CA5B: variants seen among roughly 807,000 people sequenced by gnomAD.
CA5B encodes carbonic anhydrase 5B, mitochondrial.
CA5B carries 15 observed loss-of-function variants against 23.1 expected under a neutral mutation model. That is an observed-to-expected ratio of 0.65 (90% confidence interval 0.43 to 1.00). The LOEUF (loss-of-function observed/expected upper bound fraction) is 1.00, where lower values mean the gene tolerates loss of function less well. CA5B is among the 50% of genes least tolerant of loss of function. CA5B has a pLI of 0.00. For missense variants in CA5B, 236 were observed against 252.2 expected, an observed-to-expected ratio of 0.94 and a Z score of 0.43; for synonymous variants, 84 against 98.5, an observed-to-expected ratio of 0.85 and a Z score of 0.87.
intron 2 of CA5B, among the ~76,000 whole-genome samples, chrX:15,756,743 T>C (rs906962329): frequency 7.2e-5 from 8 of 111,631 alleles, no homozygotes; most frequent in Non-Finnish European, 1.3e-4. Context: ...AGACCCTATC[T>C]CTACAAAAAA....
chrX:15,748,919 G>A (rs997494161), intron 1 of CA5B, among the ~76,000 whole-genome samples: 3 of 111,190 alleles, frequency 2.7e-5, no homozygotes, highest in South Asian at 3.8e-4. Context: ...TGCACAGGTC[G>A]GAGGGAAAGA....
At chrX:15,752,536 T>C (rs1338116834) in intron 2 of CA5B, among the ~76,000 whole-genome samples, 1 of 96,195 alleles carries the variant, frequency 1.0e-5, no homozygotes, top group Non-Finnish European at 2.0e-5. Flanking sequence ...CTATCCTGGC[T>C]AACACGGTGA....
rs1932140013 is a variant in CA5B, at chrX:15,787,655, C to CA, written c.*4992dup. The CA allele has an allele frequency of 4.5e-5, 5 of 112,297 alleles. No individual in the cohort carries two copies. Among genetic ancestry groups the CA allele is most frequent in the African/African-American group, 1.3e-4 (4 of 30,942 alleles). 9.3% of individuals were successfully genotyped at this position (112,297 alleles called of 1,213,427 possible). A position where few individuals can be genotyped will look rare whatever the true frequency, so the allele number is the denominator to read the frequency against. On this transcript the variant is annotated 3_prime_UTR_variant, in exon 8 of 8. Transcript: ENST00000318636. ...AGGAAATTTACATTCATTTCTAACT[C>CA]ACTAAAAAATCTATGGCCGGGTGCG...
intron 1 of CA5B, among the ~76,000 whole-genome samples, chrX:15,746,053 G>A (rs1251396187): frequency 5.5e-4 from 1 of 1,822 alleles, no homozygotes; most frequent in Non-Finnish European, 8.9e-4. Flanking sequence ...TTTTTGAGAC[G>A]GAGTCTCGCT....
In CA5B at chrX:15,764,601, G is replaced by T. The variant is rs1400516846; in HGVS notation, c.166G>T (p.Asp56Tyr). The T allele has an allele frequency of 8.3e-7, 1 of 1,202,061 alleles. No homozygotes were observed. The highest frequency in any genetic ancestry group is 2.2e-5 in the Admixed American group (1 of 44,908). Residue 56 changes from aspartate to tyrosine, a missense_variant, in exon 3 of 8, where the codon GAC (aspartate) becomes TAC (tyrosine). Around this residue, in one of 3 missense-constraint regions of CA5B, gnomAD observed 54 missense variants for 46.6 expected, o/e 1.16. Coordinates refer to ENST00000318636, the MANE Select transcript of CA5B (RefSeq NM_007220.4). Reference sequence around the variant, plus strand: ...AGTGCATCCACTCTGGGAGAGCGTGGACCTGGTTCCTGGGGGCGATCGCCA... The same window carrying T: ...AGTGCATCCACTCTGGGAGAGCGTGTACCTGGTTCCTGGGGGCGATCGCCA... ...RALHPLWESV[D>Y]LVPGGDRQSP...
intron 2 of CA5B, among the ~76,000 whole-genome samples, chrX:15,755,293 A>G (rs1931464977): frequency 8.9e-6 from 1 of 111,917 alleles, no homozygotes; most frequent in South Asian, 3.7e-4. Context: ...GACCATCAGG[A>G]AATGTGGGCT....
At chrX:15,759,734 CTTTTTTTTTTTTTTTTTTTTT>C (rs56915078) in intron 2 of CA5B, among the ~76,000 whole-genome samples, 1 of 37,396 alleles carries the variant, frequency 2.7e-5, no homozygotes, top group Non-Finnish European at 4.3e-5. Context: ...TTACTGACAC[CTTTTTTTTTTTTTTTTTTTTT>C]TTTTTTTTTT....
At chrX:15,754,515 A>G (rs1036752542) in intron 2 of CA5B, among the ~76,000 whole-genome samples, 3 of 112,589 alleles carry the variant, frequency 2.7e-5, no homozygotes, top group Non-Finnish European at 3.7e-5. Context: ...GTTTGGTGTT[A>G]TCTCAGGTAG....
intron 1 of CA5B, among the ~76,000 whole-genome samples, chrX:15,740,843 C>T (rs1422375483): frequency 1.8e-5 from 2 of 112,144 alleles, no homozygotes; most frequent in African/African-American, 3.2e-5. Context: ...GCGGGTGGAT[C>T]GTTTGAGGCC....
rs1932105569 is a variant in CA5B at position 15,785,893 on chromosome X, G to C, written c.*3229G>C. ...TTTTTTATTTTTTTTATTTTTTTGA[G>C]ACAGAGTCGCGCTGTCACCCGGGCT... is the stretch of plus-strand genomic sequence containing the variant. On this transcript the variant is annotated 3_prime_UTR_variant, in exon 8 of 8. Coordinates refer to ENST00000318636, the MANE Select transcript of CA5B (RefSeq NM_007220.4). The C allele has an allele frequency of 9.2e-6, 1 of 109,227 alleles. No individual in the cohort carries two copies. Among genetic ancestry groups the C allele is most frequent in the Non-Finnish European group, 1.9e-5 (1 of 52,583 alleles). 9.0% of individuals were successfully genotyped at this position (109,227 alleles called of 1,213,427 possible).
chrX:15,758,954 T>C, intron 2 of CA5B, among the ~76,000 whole-genome samples: 1 of 111,936 alleles, frequency 8.9e-6, no homozygotes, highest in Non-Finnish European at 1.9e-5. Context: ...CATACGCATA[T>C]AATTATAACT....
chrX:15,744,518 C>T (rs896934832), intron 1 of CA5B, among the ~76,000 whole-genome samples: 4 of 112,532 alleles, frequency 3.6e-5, no homozygotes, highest in African/African-American at 1.3e-4. Flanking sequence ...TTGCCATCAT[C>T]TTCCCAAAAA....
rs1483921612 is a variant in CA5B at position 15,782,570 on chromosome X, T to C, written c.860T>C (p.Leu287Pro). ...GACAACTTCCGCCCCCTTCAGCCACTGATGAATCGCACTGTTCGTTCATCC... is the reference window on the plus strand; with the variant it reads ...GACAACTTCCGCCCCCTTCAGCCACCGATGAATCGCACTGTTCGTTCATCC... ...MVDNFRPLQP[L>P]MNRTVRSSFR... is the part of the protein sequence containing the mutation. Residue 287 changes from leucine (L) to proline (P), a missense_variant, in exon 8 of 8, where the codon CTG becomes CCG. Leu to Pro is a moderately conservative substitution (Grantham distance 98). Around this residue, in one of 3 missense-constraint regions of CA5B, gnomAD observed 170 missense variants for 162.0 expected, o/e 1.05. Transcript: ENST00000318636. 2 of 1,210,344 alleles carry C rather than the reference T, an allele frequency of 1.7e-6. No homozygotes were observed. The highest frequency in any genetic ancestry group is 2.2e-6 in the Non-Finnish European group (2 of 894,253).
chrX:15,776,307 C>G (rs866041673), intron 6 of CA5B, among the ~76,000 whole-genome samples: 1 of 92,155 alleles, frequency 1.1e-5, no homozygotes, highest in Middle Eastern at 7.1e-3. Context: ...CCACTGCACT[C>G]TAGCCTGGGC....
At chrX:15,753,700 G>C (rs1179365398) in intron 2 of CA5B, among the ~76,000 whole-genome samples, 2 of 112,323 alleles carry the variant, frequency 1.8e-5, no homozygotes, top group Non-Finnish European at 3.8e-5. Flanking sequence ...CCTGAGGTCA[G>C]GAGTTCGAGA....
chrX:15,774,462 A>G lies in CA5B; in HGVS notation c.555+65A>G, dbSNP rs1226753018. On this transcript the variant is annotated intron_variant, in intron 5 of 7. Coordinates refer to ENST00000318636, the MANE Select transcript of CA5B (RefSeq NM_007220.4). Reference sequence around the variant, plus strand: ...TAGGATGAAAAGATAGAACAGTATAATATTGTTATTTACTTTAAGAATGTT... The same window carrying G: ...TAGGATGAAAAGATAGAACAGTATAGTATTGTTATTTACTTTAAGAATGTT... The G allele has an allele frequency of 1.1e-5, 11 of 996,869 alleles. No individual in the cohort carries two copies. In the Admixed American group the frequency reaches 2.8e-4, roughly 26 times the overall value. 82.2% of individuals were successfully genotyped at this position (996,869 alleles called of 1,213,427 possible).
chrX:15,757,830 A>G (rs1158606714), intron 2 of CA5B, among the ~76,000 whole-genome samples: 1 of 111,756 alleles, frequency 8.9e-6, no homozygotes, highest in South Asian at 3.7e-4. Flanking sequence ...GAGTTTGGGA[A>G]GAATGAGGAA....
intron 4 of CA5B, 39 bp from the exon 5 acceptor site, chrX:15,774,263 G>T (rs1322758929): frequency 8.6e-7 from 1 of 1,167,479 alleles, no homozygotes; most frequent in African/African-American, 1.8e-5. Flanking sequence ...GAGAGATTCT[G>T]TATAGTCACG....
intron 1 of CA5B, among the ~76,000 whole-genome samples, chrX:15,742,816 G>C (rs1008238027): frequency 1.8e-5 from 2 of 112,384 alleles, no homozygotes; most frequent in Non-Finnish European, 1.9e-5. Flanking sequence ...CCTCCCGCAG[G>C]GGACATCTGG....
Sources: allele counts gnomAD v4.1 joint callset (sites outside exome capture counted in the v4.1 genomes callset), GRCh38; gene constraint gnomAD v4.1.1; regional missense constraint gnomAD v4.1.1; transcripts MANE v1.5; gene names NCBI Gene and HGNC (gene_info 2026-07-23, HGNC 2026-07-21).